The following CDC14A variants were observed in gnomAD, a reference collection of about 807,000 sequenced individuals.
CDC14A encodes the protein dual specificity protein phosphatase CDC14A.
A neutral mutation model predicts 74.4 loss-of-function variants in CDC14A; 53 were observed. The ratio of observed to expected loss-of-function variants is 0.71; its 90% CI spans 0.57 to 0.89. The LOEUF is 0.89. Among genes scored for constraint, CDC14A ranks in the 40% least tolerant of loss-of-function variants. The pLI is 0.00. For missense variants in CDC14A, 646 were observed against 713.7 expected, an observed-to-expected ratio of 0.91 and a Z score of 1.08; for synonymous variants, 247 against 258.4, an observed-to-expected ratio of 0.96 and a Z score of 0.43.
At chr1:100,356,414 AC>A (rs1350345957) in intron 2 of CDC14A, among the ~76,000 whole-genome samples, 3 of 152,136 alleles carry the variant, frequency 2.0e-5, no homozygotes, top group Non-Finnish European at 4.4e-5. Flanking sequence ...AAGCTGGGTC[AC>A]TTGCCCAAGG....
chr1:100,386,544 C>G (rs1172388406), intron 3 of CDC14A, among the ~76,000 whole-genome samples: 1 of 152,004 alleles, frequency 6.6e-6, no homozygotes, highest in Non-Finnish European at 1.5e-5. Context: ...CTTTGTAATC[C>G]CTGCACTTTG....
intron 2 of CDC14A, among the ~76,000 whole-genome samples, chr1:100,374,071 T>C (rs2100937341): frequency 6.6e-6 from 1 of 152,290 alleles, no homozygotes; most frequent in Admixed American, 6.5e-5. Flanking sequence ...TTTTTGTTCT[T>C]GCGATAGTTT....
intron 5 of CDC14A, among the ~76,000 whole-genome samples, chr1:100,435,976 A>G (rs921914026): frequency 1.3e-5 from 2 of 152,164 alleles, no homozygotes; most frequent in African/African-American, 4.8e-5. Flanking sequence ...TAGGGACCTG[A>G]AAATGTTTAA....
intron 15 of CDC14A, chr1:100,504,736 T>A: frequency 9.1e-7 from 1 of 1,103,968 alleles, no homozygotes; most frequent in Non-Finnish European, 1.3e-6. Context: ...TTTCAGGCCC[T>A]CTGTACTGCA....
chr1:100,513,860 T>C, intron 15 of CDC14A, among the ~76,000 whole-genome samples: 1 of 152,198 alleles, frequency 6.6e-6, no homozygotes, highest in Non-Finnish European at 1.5e-5. Context: ...CAAATCTTAC[T>C]GCTTTCAGGG....
At chr1:100,381,257 A>G (rs1307114497) in intron 3 of CDC14A, among the ~76,000 whole-genome samples, 3 of 152,060 alleles carry the variant, frequency 2.0e-5, no homozygotes, top group Non-Finnish European at 2.9e-5. Context: ...CTGTGTGCTG[A>G]TTTCTTAACC....
At chr1:100,350,848 T>C (rs569305422), upstream of CDC14A, among the ~76,000 whole-genome samples, 6 of 152,384 alleles carry the variant, frequency 3.9e-5, no homozygotes, top group African/African-American at 1.4e-4. Flanking sequence ...GAGATTCATA[T>C]ACTTTGTTTT....
At chr1:100,372,418 C>T (rs1385847931) in intron 2 of CDC14A, among the ~76,000 whole-genome samples, 1 of 152,170 alleles carries the variant, frequency 6.6e-6, no homozygotes, top group Non-Finnish European at 1.5e-5. Flanking sequence ...CTCTCAAACC[C>T]TGGGGCTACT....
At chr1:100,387,808 T>C (rs1198436880) in intron 3 of CDC14A, among the ~76,000 whole-genome samples, 3 of 152,164 alleles carry the variant, frequency 2.0e-5, no homozygotes, top group South Asian at 2.1e-4. Context: ...CTATATACTT[T>C]AGAATGCGAG....
intron 2 of CDC14A, 124 bp downstream of exon 2, chr1:100,353,976 T>A: frequency 3.1e-6 from 2 of 654,958 alleles, no homozygotes; most frequent in South Asian, 3.4e-5. Context: ...ACAATATCAA[T>A]TTTTTAAGAC....
intron 10 of CDC14A, among the ~76,000 whole-genome samples, chr1:100,476,623 T>TA (rs397792465): frequency 7.9e-5 from 12 of 151,726 alleles, no homozygotes; most frequent in South Asian, 6.3e-4. Flanking sequence ...TTTTTTTTTT[T>TA]AAATATATAT....
At chr1:100,449,907 C>T (rs1269939530) in intron 7 of CDC14A, among the ~76,000 whole-genome samples, 2 of 152,074 alleles carry the variant, frequency 1.3e-5, no homozygotes, top group African/African-American at 2.4e-5. Flanking sequence ...AGAATCCATT[C>T]TGATTTTGCA....
chr1:100,499,163 C>A lies in CDC14A; in HGVS notation c.1656C>A (p.Gly552=). Residue 552 remains glycine, a synonymous_variant, in exon 15 of 16, where the codon GGC becomes GGA. Coordinates refer to ENST00000336454, the MANE Select transcript of CDC14A (RefSeq NM_003672.4). ...GGGGCAACCTGAACAGCCCCCCAGGCCCCCACAGCGCCAAGACAGAGGAGC... is the reference window on the plus strand; with the variant it reads ...GGGGCAACCTGAACAGCCCCCCAGGACCCCACAGCGCCAAGACAGAGGAGC... ...SNGGNLNSPP[G]PHSAKTEEHT... is the part of the protein sequence containing the mutation. 6.2e-7 allele frequency: 1 copy of A among 1,614,138 alleles called. No homozygotes were observed. The highest frequency in any genetic ancestry group is 8.5e-7 in the Non-Finnish European group (1 of 1,180,020).
intron 5 of CDC14A, among the ~76,000 whole-genome samples, chr1:100,429,948 T>G (rs1446992401): frequency 1.3e-5 from 2 of 152,052 alleles, no homozygotes; most frequent in Admixed American, 1.3e-4. Flanking sequence ...TTCACTTTGT[T>G]GCCCAGGGTG....
intron 10 of CDC14A, among the ~76,000 whole-genome samples, chr1:100,482,429 T>C (rs1346069826): frequency 6.6e-6 from 1 of 152,200 alleles, no homozygotes; most frequent in African/African-American, 2.4e-5. Context: ...CATTGTTTTC[T>C]TTGCTTGGCA....
chr1:100,395,406 T>C (rs1658331422), intron 4 of CDC14A, among the ~76,000 whole-genome samples: 1 of 152,242 alleles, frequency 6.6e-6, no homozygotes, highest in South Asian at 2.1e-4. Flanking sequence ...CATCAGTGAC[T>C]TGCTAAATCA....
intron 4 of CDC14A, among the ~76,000 whole-genome samples, chr1:100,412,708 ATAT>A (rs1236181676): frequency 1.0e-5 from 1 of 99,118 alleles, no homozygotes; most frequent in Admixed American, 9.9e-5. Context: ...ATATATATAT[ATAT>A]ATATATATAT....
chr1:100,418,792 AT>A (rs1020999157), intron 4 of CDC14A, among the ~76,000 whole-genome samples: 1 of 152,140 alleles, frequency 6.6e-6, no homozygotes, highest in Non-Finnish European at 1.5e-5. Flanking sequence ...TGAAGGGAAA[AT>A]TTTTTGTAAA....
chr1:100,394,779 T>C (rs548494764), intron 4 of CDC14A, among the ~76,000 whole-genome samples: 1 of 152,346 alleles, frequency 6.6e-6, no homozygotes, highest in South Asian at 2.1e-4. Flanking sequence ...AAACCCTTAA[T>C]ACACACGGAA....
Sources: allele counts gnomAD v4.1 joint callset (sites outside exome capture counted in the v4.1 genomes callset), GRCh38; gene constraint gnomAD v4.1.1; transcripts MANE v1.5; gene names NCBI Gene and HGNC (gene_info 2026-07-23, HGNC 2026-07-21).